The following TOX variants were observed in gnomAD, a reference collection of about 807,000 sequenced individuals.
The protein encoded by TOX is thymocyte selection-associated high mobility group box protein TOX.
A neutral mutation model predicts 53.7 loss-of-function variants in TOX; 11 were observed. That is an observed-to-expected ratio of 0.20 (90% CI 0.13 to 0.34). The LOEUF (loss-of-function observed/expected upper bound fraction) is 0.34. Ranked by LOEUF, TOX falls within the 10% of genes least tolerant of loss-of-function variation. The pLI, the probability that TOX is intolerant of heterozygous loss-of-function variation, is 1.00. For synonymous variants in TOX, 225 were observed against 245.3 expected, an observed-to-expected ratio of 0.92 and a Z score of 0.77; for missense variants, 570 against 664.6, an observed-to-expected ratio of 0.86 and a Z score of 1.56.
At chr8:58,908,891 A>G (rs946817217) in intron 3 of TOX, among the ~76,000 whole-genome samples, 6 of 152,240 alleles carry the variant, frequency 3.9e-5, no homozygotes, top group Non-Finnish European at 8.8e-5. Flanking sequence ...TACTTTATAC[A>G]AAGTATTTTC....
intron 3 of TOX, among the ~76,000 whole-genome samples, chr8:58,898,170 T>C (rs1005137032): frequency 6.6e-6 from 1 of 152,198 alleles, no homozygotes; most frequent in Non-Finnish European, 1.5e-5. Context: ...GCTCCCTCAA[T>C]AGCCACATAG....
At chr8:58,831,189 G>T (rs1171180591) in intron 5 of TOX, among the ~76,000 whole-genome samples, 1 of 152,090 alleles carries the variant, frequency 6.6e-6, no homozygotes, top group Non-Finnish European at 1.5e-5. Flanking sequence ...ACCTGTTTCT[G>T]GAATGGTAAG....
chr8:58,880,219 C>T (rs2726556), intron 3 of TOX, among the ~76,000 whole-genome samples: 110,024 of 152,102 alleles, frequency 0.72, 40,962 homozygotes, highest in African/African-American at 0.92. Context: ...GATGTCAGTG[C>T]TCTGGGATGA....
At chr8:58,830,806 G>A (rs1281120498) in intron 5 of TOX, among the ~76,000 whole-genome samples, 1 of 152,108 alleles carries the variant, frequency 6.6e-6, no homozygotes, top group Non-Finnish European at 1.5e-5. Context: ...TTCTGGGTAA[G>A]TTCAAATGTC....
chr8:58,874,470 A>C (rs1811252834), intron 3 of TOX, among the ~76,000 whole-genome samples: 1 of 152,146 alleles, frequency 6.6e-6, no homozygotes. Context: ...CGCCTACTTG[A>C]AGCATTTCAG....
intron 1 of TOX, among the ~76,000 whole-genome samples, chr8:59,087,325 A>C (rs1176061162): frequency 6.6e-6 from 1 of 152,234 alleles, no homozygotes; most frequent in African/African-American, 2.4e-5. Context: ...CGAAGGTTAA[A>C]AAAAAATCAG....
chr8:58,898,860 A>G (rs2129172577), intron 3 of TOX, among the ~76,000 whole-genome samples: 2 of 152,266 alleles, frequency 1.3e-5, no homozygotes, highest in South Asian at 4.2e-4. Context: ...GACTATTTCT[A>G]TTCTTATGTA....
intron 3 of TOX, among the ~76,000 whole-genome samples, chr8:58,898,704 T>C (rs940621791): frequency 4.6e-5 from 7 of 152,144 alleles, no homozygotes; most frequent in South Asian, 2.1e-4. Context: ...TCTTCTCAGA[T>C]GAAGAGAGTT....
intron 3 of TOX, among the ~76,000 whole-genome samples, chr8:58,893,507 A>C (rs965948603): frequency 1.3e-5 from 2 of 152,236 alleles, no homozygotes; most frequent in African/African-American, 4.8e-5. Flanking sequence ...TCTACAGCAC[A>C]TAAGTCCTCA....
intron 1 of TOX, among the ~76,000 whole-genome samples, chr8:59,091,732 C>A (rs1055345268): frequency 6.6e-6 from 1 of 152,052 alleles, no homozygotes; most frequent in Non-Finnish European, 1.5e-5. Flanking sequence ...GACTTTCTTT[C>A]TCAGTGACTG....
Position 58,805,905 on chromosome 8 carries a change from CT to C in TOX, c.*1841del, listed in dbSNP as rs1251294338. On this transcript the variant is annotated 3_prime_UTR_variant, in exon 9 of 9. Coordinates refer to ENST00000361421, the MANE Select transcript of TOX (RefSeq NM_014729.3). Reference sequence around the variant, plus strand: ...TAAAATCATTCCAAAGCAAGCATACCTTTTGTCTGTTTAATTCTGAGTGGAT... The same window carrying C: ...TAAAATCATTCCAAAGCAAGCATACCTTTGTCTGTTTAATTCTGAGTGGAT... The C allele has an allele frequency of 6.6e-6, 1 of 152,568 alleles. No individual in the cohort carries two copies. Among genetic ancestry groups the C allele is most frequent in the Admixed American group, 6.5e-5 (1 of 15,276 alleles). 9.5% of individuals were successfully genotyped at this position (152,568 alleles called of 1,614,324 possible).
At chr8:58,861,689 G>A (rs573768535) in intron 3 of TOX, among the ~76,000 whole-genome samples, 7 of 152,220 alleles carry the variant, frequency 4.6e-5, no homozygotes, top group African/African-American at 1.7e-4. Context: ...TGGGAGTAGC[G>A]GATCACTTAC....
chr8:59,057,471 T>A (rs1349651389), intron 1 of TOX, among the ~76,000 whole-genome samples: 1 of 152,186 alleles, frequency 6.6e-6, no homozygotes, highest in Non-Finnish European at 1.5e-5. Context: ...AAACAATAAG[T>A]ATTAGTTCCT....
chr8:58,965,894 GTTTTTTTTTTTTTTTTTTTTT>G (rs67045037), intron 1 of TOX, among the ~76,000 whole-genome samples: 1 of 49,616 alleles, frequency 2.0e-5, no homozygotes, highest in Non-Finnish European at 3.7e-5. Flanking sequence ...ACGAGTCATC[GTTTTTTTTTTTTTTTTTTTTT>G]TTTTTTTTTT....
At chr8:58,882,170 AGTT>A (rs1811394653) in intron 3 of TOX, among the ~76,000 whole-genome samples, 1 of 152,230 alleles carries the variant, frequency 6.6e-6, no homozygotes, top group Admixed American at 6.5e-5. Flanking sequence ...TTCATTTTCC[AGTT>A]GTTATGTCAC....
intron 1 of TOX, among the ~76,000 whole-genome samples, chr8:59,046,423 G>A (rs991529992): frequency 3.3e-5 from 5 of 152,100 alleles, no homozygotes; most frequent in African/African-American, 1.2e-4. Flanking sequence ...CAGTCCTGAG[G>A]ATCTTATTGG....
At chr8:59,047,200 ATTGTTTTTTTTTTTT>A (rs1270211897) in intron 1 of TOX, among the ~76,000 whole-genome samples, 22 of 115,282 alleles carry the variant, frequency 1.9e-4, no homozygotes, top group South Asian at 2.8e-4. Context: ...TCCACCAAGA[ATTGTTTTTTTTTTTT>A]TTTTTTTTTT....
intron 1 of TOX, among the ~76,000 whole-genome samples, chr8:59,083,596 GA>G (rs1429088762): frequency 6.6e-6 from 1 of 151,998 alleles, no homozygotes; most frequent in Non-Finnish European, 1.5e-5. Flanking sequence ...TATTTCAACA[GA>G]AAAAAACAAT....
intron 3 of TOX, among the ~76,000 whole-genome samples, chr8:58,898,850 G>A (rs1464928101): frequency 6.6e-6 from 1 of 152,164 alleles, no homozygotes; most frequent in East Asian, 1.9e-4. Flanking sequence ...GTTGCAAATT[G>A]ACTATTTCTA....
Sources: allele counts gnomAD v4.1 joint callset (sites outside exome capture counted in the v4.1 genomes callset), GRCh38; gene constraint gnomAD v4.1.1; transcripts MANE v1.5; gene names NCBI Gene and HGNC (gene_info 2026-07-23, HGNC 2026-07-21).